ARMC1: variants seen among roughly 807,000 people sequenced by gnomAD.
ARMC1 encodes the protein armadillo repeat-containing protein 1.
Under a neutral mutation model 31.4 loss-of-function variants are expected in ARMC1, and 16 were observed. The observed-to-expected ratio is 0.51, with a 90% confidence interval of 0.34 to 0.77. The LOEUF is 0.77. Among genes scored for constraint, ARMC1 ranks in the 30% least tolerant of loss-of-function variants. The probability of loss-of-function intolerance (pLI) is 0.01; values close to 1 mark genes in which losing one functional copy is unlikely to be tolerated. For missense variants in ARMC1, 259 were observed against 347.5 expected (o/e 0.75, Z 2.02); for synonymous variants, 114 against 118.9 (o/e 0.96, Z 0.27).
chr8:65,608,353 C>G (rs771605299), intron 4 of ARMC1, among the ~76,000 whole-genome samples: 6 of 152,080 alleles, frequency 3.9e-5, no homozygotes, highest in Non-Finnish European at 7.4e-5. Flanking sequence ...ATGGCAAAAC[C>G]CTGTCTCTAC....
At chr8:65,627,665 A>G (rs1378733942) in intron 1 of ARMC1, among the ~76,000 whole-genome samples, 1 of 152,216 alleles carries the variant, frequency 6.6e-6, no homozygotes, top group Middle Eastern at 3.4e-3. Context: ...CAATATTCCA[A>G]TAAATTATGT....
In ARMC1 at chr8:65,605,253, C is replaced by T. The variant is rs1563410987; in HGVS notation, c.657+10G>A. ...AGTTGGATATAAAGAAAATTAAACACAACTTTTACCTCTTCTCCACTTTCA... is the reference window on the plus strand; with the variant it reads ...AGTTGGATATAAAGAAAATTAAACATAACTTTTACCTCTTCTCCACTTTCA... On this transcript the variant is annotated intron_variant, in intron 6 of 6. Transcript: ENST00000276569. 1 of 1,601,746 alleles carries T rather than the reference C, an allele frequency of 6.2e-7. No homozygotes were observed. Among genetic ancestry groups the T allele is most frequent in the Admixed American group, 1.8e-5 (1 of 56,412 alleles).
chr8:65,622,224 A>G (rs756779487), intron 3 of ARMC1, 39 bp downstream of exon 3: 1 of 1,486,610 alleles, frequency 6.7e-7, no homozygotes, highest in Non-Finnish European at 9.4e-7. Flanking sequence ...TAATATAAGT[A>G]AGTATATAAA....
intron 3 of ARMC1, among the ~76,000 whole-genome samples, chr8:65,616,025 C>T (rs1808243828): frequency 6.6e-6 from 1 of 152,004 alleles, no homozygotes. Flanking sequence ...TTTTTGAAAA[C>T]CTGGATTATT....
At chr8:65,617,850 GA>G (rs10718331) in intron 3 of ARMC1, among the ~76,000 whole-genome samples, 94,508 of 143,006 alleles carry the variant, frequency 0.66, 30,687 homozygotes, top group African/African-American at 0.72. Context: ...TTATTAAAAA[GA>G]AAAAAAAAAA....
At chr8:65,632,837 T>A (rs968965233) in intron 1 of ARMC1, 5 of 149,090 alleles carry the variant, frequency 3.4e-5, no homozygotes, top group Non-Finnish European at 7.4e-5. Flanking sequence ...AAAAAAAAAA[T>A]AAAAAATAAA....
intron 3 of ARMC1, among the ~76,000 whole-genome samples, chr8:65,619,542 G>GA (rs199645121): frequency 0.019 from 2,838 of 149,638 alleles, 28 homozygotes; most frequent in African/African-American, 0.026. Flanking sequence ...GTCTCAAAAA[G>GA]AAAAAAAAAG....
In ARMC1 at chr8:65,602,978, A is replaced by G. The variant is rs1397200868; in HGVS notation, c.*1416T>C. Reference sequence around the variant, plus strand: ...CTCTCACTGATGATGGTATTTTACAATGAAAACACAAGGAAACCCTTTGAG... The same window carrying G: ...CTCTCACTGATGATGGTATTTTACAGTGAAAACACAAGGAAACCCTTTGAG... On this transcript the variant is annotated 3_prime_UTR_variant, in exon 7 of 7. Coordinates refer to ENST00000276569, the MANE Select transcript of ARMC1 (RefSeq NM_018120.6). 1 of 152,188 alleles carries G rather than the reference A, an allele frequency of 6.6e-6. No individual in the cohort carries two copies. The highest frequency in any genetic ancestry group is 2.4e-5 in the African/African-American group (1 of 41,452). 9.4% of individuals were successfully genotyped at this position (152,188 alleles called of 1,614,324 possible).
At chr8:65,611,410 C>A (rs1808137655) in intron 4 of ARMC1, among the ~76,000 whole-genome samples, 1 of 151,994 alleles carries the variant, frequency 6.6e-6, no homozygotes, top group Non-Finnish European at 1.5e-5. Context: ...TATTGTTTTT[C>A]ATTTCCCTGA....
chr8:65,604,630 C>T (rs1302792266), intron 6 of ARMC1, 45 bp from the exon 7 acceptor site: 6 of 1,553,842 alleles, frequency 3.9e-6, no homozygotes, highest in South Asian at 2.3e-5. Flanking sequence ...CAACTTTACT[C>T]CTTATTCTAA....
intron 3 of ARMC1, among the ~76,000 whole-genome samples, chr8:65,615,772 G>C (rs1360169083): frequency 6.6e-6 from 1 of 151,980 alleles, no homozygotes; most frequent in Non-Finnish European, 1.5e-5. Flanking sequence ...GTGGGTGCCT[G>C]TAATCCCAGC....
chr8:65,624,381 C>G (rs13439632), intron 2 of ARMC1, among the ~76,000 whole-genome samples: 1 of 150,798 alleles, frequency 6.6e-6, no homozygotes, highest in Admixed American at 6.6e-5. Context: ...CACCTGTAAT[C>G]TCAGCTGCTA....
intron 4 of ARMC1, among the ~76,000 whole-genome samples, chr8:65,612,700 A>G (rs1473931105): frequency 6.6e-6 from 1 of 151,228 alleles, no homozygotes; most frequent in African/African-American, 2.4e-5. Context: ...CATCTCTACT[A>G]AAAACACAAA....
rs182408928 is a variant in ARMC1, at chr8:65,608,486, G to A, written c.466-2948C>T. 2.4e-3 allele frequency among the ~76,000 whole-genome samples: 362 copies of A among 152,082 alleles called. 2 individuals are homozygous for A. The highest frequency in any genetic ancestry group is 7.5e-3 in the Admixed American group (114 of 15,260). On this transcript the variant is annotated intron_variant, in intron 4 of 6. Coordinates refer to ENST00000276569, the MANE Select transcript of ARMC1 (RefSeq NM_018120.6). Reference sequence around the variant, plus strand: ...GGAGGTTGCAGTGAGCTGAGATCACGCCACCTCACTCCAGCCTGGGCAAAA... The same window carrying A: ...GGAGGTTGCAGTGAGCTGAGATCACACCACCTCACTCCAGCCTGGGCAAAA...
chr8:65,606,526 C>T (rs955988968), intron 4 of ARMC1, among the ~76,000 whole-genome samples: 1 of 152,096 alleles, frequency 6.6e-6, no homozygotes, highest in Non-Finnish European at 1.5e-5. Context: ...CTGCATCATC[C>T]ATTTATGGCA....
At position 65,603,956 on chromosome 8, in the gene ARMC1, C is replaced by T. The variant is rs1193266424; in HGVS notation, c.*438G>A. 3 of 156,216 alleles carry T rather than the reference C, an allele frequency of 1.9e-5. No individual in the cohort carries two copies. The highest frequency in any genetic ancestry group is 4.8e-5 in the African/African-American group (2 of 41,478). The allele number at this position is 156,216 out of a possible 1,614,324, so 9.7% of individuals were successfully genotyped here. ...TGAAGAGTACAAAGCATGTACCCTTCATGAAGAAAAGCACAGTAAAATATT... is the reference window on the plus strand; with the variant it reads ...TGAAGAGTACAAAGCATGTACCCTTTATGAAGAAAAGCACAGTAAAATATT... On this transcript the variant is annotated 3_prime_UTR_variant, in exon 7 of 7. Transcript: ENST00000276569.
intron 4 of ARMC1, among the ~76,000 whole-genome samples, chr8:65,607,128 T>C (rs1808021286): frequency 6.6e-6 from 1 of 152,252 alleles, no homozygotes; most frequent in South Asian, 2.1e-4. Context: ...ACTTCTGCAT[T>C]TCAACACTAC....
At chr8:65,618,810 G>A (rs747055908) in intron 3 of ARMC1, among the ~76,000 whole-genome samples, 14 of 151,872 alleles carry the variant, frequency 9.2e-5, no homozygotes, top group Admixed American at 2.6e-4. Flanking sequence ...TTGGGAGGCC[G>A]AGGTGAGCGG....
intron 3 of ARMC1, among the ~76,000 whole-genome samples, chr8:65,620,365 G>T (rs1299607077): frequency 9.2e-5 from 13 of 141,272 alleles, no homozygotes; most frequent in Non-Finnish European, 1.5e-5. Flanking sequence ...GCAGTGGTGC[G>T]ATCTTGGCTC....
Sources: gnomAD v4.1 joint callset for allele counts (sites outside exome capture counted in the v4.1 genomes callset) on GRCh38, gnomAD v4.1.1 for gene constraint, MANE v1.5 for transcripts, NCBI Gene and HGNC (gene_info 2026-07-23, HGNC 2026-07-21) for gene names.